ITGA8: variants seen among roughly 807,000 people sequenced by gnomAD.
ITGA8 encodes integrin subunit alpha 8, also known as integrin alpha-8.
ITGA8 carries 91 observed loss-of-function variants against 142.3 expected under a neutral mutation model. The ratio of observed to expected loss-of-function variants is 0.64; its 90% CI spans 0.54 to 0.76. ITGA8 has a LOEUF of 0.76. Ranked by LOEUF, ITGA8 falls within the 30% of genes least tolerant of loss-of-function variation. The pLI is 0.00. For missense variants in ITGA8, 1,406 were observed against 1,327.7 expected (o/e 1.06, Z -0.92); for synonymous variants, 505 against 485.2 (o/e 1.04, Z -0.54).
chr10:15,608,178 G>C, intron 16 of ITGA8, 57 bp downstream of exon 16: 1 of 1,196,428 alleles, frequency 8.4e-7, no homozygotes, highest in Admixed American at 1.9e-5. Context: ...CAGAGAAATG[G>C]TTACTGTTCA....
At chr10:15,657,509 C>CTTTTTTTTTTTTTTTTTTTTTTTT (rs534714654) in intron 10 of ITGA8, among the ~76,000 whole-genome samples, 2 of 116,500 alleles carry the variant, frequency 1.7e-5, no homozygotes, top group Non-Finnish European at 3.5e-5. Flanking sequence ...TCTTTTCTTT[C>CTTTTTTTTTTTTTTTTTTTTTTTT]ATTTTTTTTT....
At chr10:15,649,995 A>G (rs367859254) in intron 11 of ITGA8, among the ~76,000 whole-genome samples, 13 of 152,354 alleles carry the variant, frequency 8.5e-5, no homozygotes, top group South Asian at 2.1e-4. Flanking sequence ...ATGCACAAAA[A>G]TGTGCATAGA....
intron 25 of ITGA8, among the ~76,000 whole-genome samples, chr10:15,568,478 C>T (rs1834116065): frequency 6.6e-6 from 1 of 152,326 alleles, no homozygotes; most frequent in Admixed American, 6.5e-5. Flanking sequence ...GATAACCAAA[C>T]TATAACCAGT....
chr10:15,646,125 C>T (rs370311138), intron 12 of ITGA8, among the ~76,000 whole-genome samples: 1 of 152,114 alleles, frequency 6.6e-6, no homozygotes, highest in African/African-American at 2.4e-5. Context: ...TAATTCCTGC[C>T]TCTACTGAGA....
chr10:15,585,322 T>G (rs559731782), intron 23 of ITGA8, among the ~76,000 whole-genome samples: 1 of 152,316 alleles, frequency 6.6e-6, no homozygotes, highest in South Asian at 2.1e-4. Flanking sequence ...TGTGCCGCAA[T>G]TCCCTCACCT....
intron 15 of ITGA8, among the ~76,000 whole-genome samples, chr10:15,612,711 G>A (rs569391568): frequency 1.3e-4 from 20 of 152,238 alleles, no homozygotes; most frequent in South Asian, 8.3e-4. Flanking sequence ...TAATTCAATC[G>A]CTATTCTTAA....
At chr10:15,622,961 T>C (rs1564379135) in intron 13 of ITGA8, among the ~76,000 whole-genome samples, 1 of 152,272 alleles carries the variant, frequency 6.6e-6, no homozygotes. Context: ...CTAGGTGGTG[T>C]TGGATAGAGA....
At chr10:15,520,199 C>T (rs979376002) in intron 28 of ITGA8, among the ~76,000 whole-genome samples, 24 of 152,046 alleles carry the variant, frequency 1.6e-4, no homozygotes, top group Admixed American at 6.6e-5. Flanking sequence ...ATTGCCTGAG[C>T]TCAGGAGGTC....
At chr10:15,521,041 C>T (rs1833057289) in intron 28 of ITGA8, among the ~76,000 whole-genome samples, 1 of 152,226 alleles carries the variant, frequency 6.6e-6, no homozygotes, top group Admixed American at 6.5e-5. Context: ...TTTTGTGAGA[C>T]AGTGTCTCAC....
At chr10:15,684,736 G>T (rs903355701) in intron 3 of ITGA8, among the ~76,000 whole-genome samples, 2 of 151,868 alleles carry the variant, frequency 1.3e-5, no homozygotes, top group Non-Finnish European at 2.9e-5. Context: ...TCCTAAAAGC[G>T]AATAACTCAT....
intron 3 of ITGA8, among the ~76,000 whole-genome samples, chr10:15,685,631 T>C (rs1834820562): frequency 6.6e-6 from 1 of 152,230 alleles, no homozygotes; most frequent in Non-Finnish European, 1.5e-5. Flanking sequence ...TGATGCCTCA[T>C]CCATGCCTTT....
chr10:15,541,612 T>C (rs7921385), intron 27 of ITGA8, among the ~76,000 whole-genome samples: 6,318 of 152,244 alleles, frequency 0.041, 324 homozygotes, highest in East Asian at 0.14. Context: ...GCCTGAGATG[T>C]TTCATTCATT....
rs538968185 is a variant in ITGA8 at position 15,631,790 on chromosome 10, C to CT, written c.1399+12239_1399+12240insA. On this transcript the variant is annotated intron_variant, in intron 13 of 29. Transcript: ENST00000378076. ...ATAGCACATTGGACTTCTAGCCCCA[C>CT]CCCCCCCAAAAAAAGCCATGGCTAA... Among the ~76,000 whole-genome samples the CT allele has an allele frequency of 4.7e-5, 7 of 148,842 alleles. No homozygotes were observed. In the South Asian group the frequency reaches 1.5e-3, roughly 32 times the overall value.
intron 26 of ITGA8, among the ~76,000 whole-genome samples, chr10:15,554,747 C>CTTTT (rs779236255): frequency 9.1e-6 from 1 of 109,570 alleles, no homozygotes; most frequent in Non-Finnish European, 1.8e-5. Flanking sequence ...TTCTTTCTTT[C>CTTTT]TTTTTTTTTT....
At chr10:15,704,992 TTTG>T (rs1835231537) in intron 2 of ITGA8, among the ~76,000 whole-genome samples, 1 of 48,590 alleles carries the variant, frequency 2.1e-5, no homozygotes, top group African/African-American at 4.9e-5. Context: ...TATTATGGTT[TTTG>T]TTGTTGTTGT....
At chr10:15,575,960 T>A (rs1834286445) in intron 23 of ITGA8, among the ~76,000 whole-genome samples, 1 of 150,180 alleles carries the variant, frequency 6.7e-6, no homozygotes, top group African/African-American at 2.5e-5. Flanking sequence ...TGTGTGTGTG[T>A]GTGAGTGTGT....
rs191659758 is a variant in ITGA8 at position 15,717,418 on chromosome 10, C to T, written c.343+1348G>A. Among the ~76,000 whole-genome samples the T allele has an allele frequency of 2.4e-3, 366 of 152,212 alleles. 2 individuals carry two copies. The highest frequency in any genetic ancestry group is 7.5e-3 in the African/African-American group (311 of 41,550). On this transcript the variant is annotated intron_variant, in intron 2 of 29. Coordinates refer to ENST00000378076, the MANE Select transcript of ITGA8 (RefSeq NM_003638.3). ...TTAAATGTTTAATTCTTTTGGTTTA[C>T]GAAGCTTATTCTTAAACTAGAGAGC...
At position 15,672,709 on chromosome 10, in the gene ITGA8, A is replaced by G. The variant is rs1487802426; in HGVS notation, c.717T>C (p.Asn239=). 6.2e-7 allele frequency: 1 copy of G among 1,613,372 alleles called. No individual in the cohort carries two copies. Among genetic ancestry groups the G allele is most frequent in the African/African-American group, 1.3e-5 (1 of 74,870 alleles). ...ITASVADIIA[N]YSFKDILRKL... is the part of the protein sequence containing the mutation. ...TCCTGAGGATATCCTTGAATGAGTAATTTGCAATGATATCTGCAACACTGG... is the reference window on the plus strand; with the variant it reads ...TCCTGAGGATATCCTTGAATGAGTAGTTTGCAATGATATCTGCAACACTGG... The change falls in exon 7 of 30, where the codon AAT becomes AAC. Residue 239 remains asparagine (N), a synonymous_variant. Transcript: ENST00000378076.
At chr10:15,653,478 A>G (rs1348832279) in intron 11 of ITGA8, among the ~76,000 whole-genome samples, 1 of 152,182 alleles carries the variant, frequency 6.6e-6, no homozygotes, top group African/African-American at 2.4e-5. Context: ...GTTCATTCCA[A>G]TCAATAAGCC....
Sources: gnomAD v4.1 joint callset for allele counts (sites outside exome capture counted in the v4.1 genomes callset) on GRCh38, gnomAD v4.1.1 for gene constraint, MANE v1.5 for transcripts, NCBI Gene and HGNC (gene_info 2026-07-23, HGNC 2026-07-21) for gene names.